Variants in MYOCD observed in about 807,000 individuals in gnomAD.
MYOCD encodes the protein myocardin.
In MYOCD, 32 loss-of-function variants were observed where a neutral mutation model predicts 96.1. The observed-to-expected ratio is 0.33, with a 90% confidence interval of 0.25 to 0.45. The LOEUF (loss-of-function observed/expected upper bound fraction) is 0.45, where lower values mean the gene tolerates loss of function less well. MYOCD is among the 20% of genes least tolerant of loss of function. The pLI is 1.00. For missense variants in MYOCD, 1,133 were observed against 1,200.6 expected, an observed-to-expected ratio of 0.94 and a Z score of 0.83; for synonymous variants, 469 against 469.0, an observed-to-expected ratio of 1.00 and a Z score of 0.00.
At chr17:12,700,600 G>A (rs1286600238) in intron 1 of MYOCD, among the ~76,000 whole-genome samples, 1 of 150,614 alleles carries the variant, frequency 6.6e-6, no homozygotes, top group African/African-American at 2.5e-5. Context: ...ATTTTTAGTA[G>A]AGACGGGGTT....
At chr17:12,699,879 G>A (rs975375520) in intron 1 of MYOCD, among the ~76,000 whole-genome samples, 4 of 144,968 alleles carry the variant, frequency 2.8e-5, no homozygotes, top group African/African-American at 1.0e-4. Context: ...TTGAAAGATA[G>A]TAATATATAT....
Position 12,736,350 on chromosome 17 carries a change from C to T in MYOCD, c.591+14C>T, listed in dbSNP as rs1251242447. 6.2e-7 allele frequency: 1 copy of T among 1,608,804 alleles called. No individual in the cohort carries two copies. The highest frequency in any genetic ancestry group is 1.3e-5 in the African/African-American group (1 of 74,506). ...GGGACAAACCAGGTAAAAAACAAAA[C>T]AAACAAACGAAAAAAGTAAAACAGC... On this transcript the variant is annotated intron_variant, in intron 6 of 13. Transcript: ENST00000425538.
At chr17:12,739,978 C>T (rs1174247582) in intron 7 of MYOCD, among the ~76,000 whole-genome samples, 1 of 151,838 alleles carries the variant, frequency 6.6e-6, no homozygotes, top group Admixed American at 6.6e-5. Flanking sequence ...CTCTGTTGCC[C>T]AGGTTGGAAT....
chr17:12,732,365 C>T (rs980036341), intron 5 of MYOCD, among the ~76,000 whole-genome samples: 3 of 152,122 alleles, frequency 2.0e-5, no homozygotes, highest in Admixed American at 6.6e-5. Context: ...TTGTCAGACG[C>T]GCCCCTCTCC....
chr17:12,692,409 C>A (rs547569227), intron 1 of MYOCD, among the ~76,000 whole-genome samples: 1 of 152,092 alleles, frequency 6.6e-6, no homozygotes, highest in Non-Finnish European at 1.5e-5. Flanking sequence ...TCATTAATGC[C>A]GTCCCAATAA....
chr17:12,727,043 C>G (rs533605741), intron 5 of MYOCD, among the ~76,000 whole-genome samples: 62 of 152,252 alleles, frequency 4.1e-4, no homozygotes, highest in African/African-American at 1.4e-3. Flanking sequence ...CTAAGTTTCT[C>G]TGAAGAATCA....
intron 8 of MYOCD, among the ~76,000 whole-genome samples, chr17:12,745,295 C>T (rs941398133): frequency 5.3e-5 from 8 of 152,044 alleles, no homozygotes; most frequent in African/African-American, 1.7e-4. Context: ...CCGCAACCTC[C>T]GCCTCCCAGG....
At chr17:12,761,407 A>G (rs955401282) in intron 13 of MYOCD, 2 of 89,326 alleles carry the variant, frequency 2.2e-5, no homozygotes, top group African/African-American at 5.7e-5. Flanking sequence ...TCTCCGTGCT[A>G]TGATCAGACA....
intron 1 of MYOCD, among the ~76,000 whole-genome samples, chr17:12,682,893 T>C (rs1597730471): frequency 6.6e-6 from 1 of 152,326 alleles, no homozygotes; most frequent in Non-Finnish European, 1.5e-5. Flanking sequence ...ACAATTATCA[T>C]ATGGAACCTC....
chr17:12,688,489 TC>T (rs1181730087), intron 1 of MYOCD, among the ~76,000 whole-genome samples: 1 of 148,880 alleles, frequency 6.7e-6, no homozygotes, highest in African/African-American at 2.5e-5. Flanking sequence ...CTTCCTTCCT[TC>T]CATCTCCTTT....
At chr17:12,727,994 T>C (rs1354694990) in intron 5 of MYOCD, among the ~76,000 whole-genome samples, 1 of 152,176 alleles carries the variant, frequency 6.6e-6, no homozygotes, top group East Asian at 1.9e-4. Context: ...GGGGACTTGG[T>C]CCTCCTCGGG....
At chr17:12,692,712 G>A (rs577693194) in intron 1 of MYOCD, among the ~76,000 whole-genome samples, 1 of 152,070 alleles carries the variant, frequency 6.6e-6, no homozygotes, top group African/African-American at 2.4e-5. Context: ...TCTTCAACCT[G>A]AAACTCTAAG....
At chr17:12,726,183 C>T (rs2031993628) in intron 5 of MYOCD, among the ~76,000 whole-genome samples, 1 of 152,062 alleles carries the variant, frequency 6.6e-6, no homozygotes, top group South Asian at 2.1e-4. Flanking sequence ...GAAAAGCCTC[C>T]TTCAGTCTTG....
chr17:12,678,095 G>A (rs1258948782), intron 1 of MYOCD, among the ~76,000 whole-genome samples: 3 of 151,668 alleles, frequency 2.0e-5, no homozygotes, highest in Admixed American at 6.6e-5. Context: ...GTTTCACCAT[G>A]TTGGCCTGGA....
chr17:12,725,324 T>C (rs921325515), intron 5 of MYOCD, among the ~76,000 whole-genome samples: 4 of 150,484 alleles, frequency 2.7e-5, no homozygotes, highest in African/African-American at 9.7e-5. Context: ...TAAAAATCTA[T>C]GTAGTATATT....
chr17:12,753,083 C>G lies in MYOCD; in HGVS notation c.1795C>G (p.Pro599Ala). 3.1e-6 allele frequency: 5 copies of G among 1,614,214 alleles called. No individual in the cohort carries two copies. Among genetic ancestry groups the G allele is most frequent in the South Asian group, 1.1e-5 (1 of 91,086 alleles). Reference protein sequence around the residue: ...RQSSSSECHPPACEAAQLQPL... With the variant: ...RQSSSSECHPAACEAAQLQPL... ...AAGCAGCAGCTCAGAGTGTCACCCACCGGCTTGTGAAGCTGCTCAACTCCA... is the reference window on the plus strand; with the variant it reads ...AAGCAGCAGCTCAGAGTGTCACCCAGCGGCTTGTGAAGCTGCTCAACTCCA... Residue 599 changes from proline to alanine, a missense_variant, in exon 10 of 14, where the codon CCG becomes GCG. Transcript: ENST00000425538.
At chr17:12,677,083 G>A (rs1260046379) in intron 1 of MYOCD, among the ~76,000 whole-genome samples, 5 of 152,122 alleles carry the variant, frequency 3.3e-5, no homozygotes, top group African/African-American at 4.8e-5. Flanking sequence ...AAAAAAGAAC[G>A]AGATCATGTC....
intron 6 of MYOCD, among the ~76,000 whole-genome samples, chr17:12,738,661 C>T (rs2032416828): frequency 6.6e-6 from 1 of 152,072 alleles, no homozygotes; most frequent in South Asian, 2.1e-4. Flanking sequence ...GATACACACA[C>T]ACACTTCCAA....
In MYOCD at chr17:12,767,953, G is replaced by T. The variant is rs1490731038; in HGVS notation, c.*4309G>T. ...AAAGAAAATCATCTAAGAATATGAAGGCAATTTGATTTCCCCCCACAGCCC... is the reference window on the plus strand; with the variant it reads ...AAAGAAAATCATCTAAGAATATGAATGCAATTTGATTTCCCCCCACAGCCC... On this transcript the variant is annotated 3_prime_UTR_variant, in exon 14 of 14. Transcript: ENST00000425538. 3.3e-5 allele frequency: 5 copies of T among 152,122 alleles called. No individual in the cohort carries two copies. The highest frequency in any genetic ancestry group is 6.5e-5 in the Admixed American group (1 of 15,272). The allele number at this position is 152,122 out of a possible 1,614,324, so 9.4% of individuals were successfully genotyped here.
Sources: gnomAD v4.1 joint callset for allele counts (sites outside exome capture counted in the v4.1 genomes callset) on GRCh38, gnomAD v4.1.1 for gene constraint, MANE v1.5 for transcripts, NCBI Gene and HGNC (gene_info 2026-07-23, HGNC 2026-07-21) for gene names.